PRC1: variants seen among roughly 807,000 people sequenced by gnomAD.
The protein encoded by PRC1 is anaphase spindle elongation 1 homolog.
Under a neutral mutation model 91.2 loss-of-function variants are expected in PRC1, and 54 were observed. The ratio of observed to expected loss-of-function variants is 0.59; its 90% CI spans 0.48 to 0.74. The LOEUF (loss-of-function observed/expected upper bound fraction) is 0.74. Ranked by LOEUF, PRC1 falls within the 30% of genes least tolerant of loss-of-function variation. PRC1 has a pLI of 0.00. For missense variants in PRC1, 727 were observed against 746.2 expected, an observed-to-expected ratio of 0.97 and a Z score of 0.30; for synonymous variants, 275 against 263.6, an observed-to-expected ratio of 1.04 and a Z score of -0.42.
chr15:90,994,176 G>A (rs72630489), intron 1 of PRC1, among the ~76,000 whole-genome samples: 17,499 of 151,954 alleles, frequency 0.12, 1,618 homozygotes, highest in East Asian at 0.47. Context: ...CTGAGCCTGC[G>A]GGCACCTGCG....
intron 1 of PRC1, among the ~76,000 whole-genome samples, chr15:90,986,522 T>C (rs927932243): frequency 6.6e-6 from 1 of 152,096 alleles, no homozygotes; most frequent in Non-Finnish European, 1.5e-5. Flanking sequence ...CTGGGGCGGC[T>C]GAGGCAGGAG....
At chr15:90,976,805 C>A in intron 8 of PRC1, 34 bp from the exon 9 acceptor site, 1 of 1,546,094 alleles carries the variant, frequency 6.5e-7, no homozygotes, top group South Asian at 1.1e-5. Flanking sequence ...AGTGGAAAAC[C>A]TGGCACCATG....
At position 90,984,260 on chromosome 15, in the gene PRC1, G is replaced by A. The variant is rs1268780819; in HGVS notation, c.145-120C>T. ...CTTTTTTTCTTTGAGATGGAGTCTC[G>A]CTCTGTTGCCCAGGCTGGAGTGCAA... is the stretch of plus-strand genomic sequence containing the variant. On this transcript the variant is annotated intron_variant, in intron 2 of 14. Transcript: ENST00000394249. This position sits in a 1 kb window ranked among gnomAD's most constrained non-coding sequence, Gnocchi z 5.1. 52 of 1,350,830 alleles carry A rather than the reference G, an allele frequency of 3.8e-5. No homozygotes were observed. The highest frequency in any genetic ancestry group is 2.0e-4 in the Middle Eastern group (1 of 5,038). 83.7% of individuals were successfully genotyped at this position (1,350,830 alleles called of 1,614,324 possible). A position where few individuals can be genotyped will look rare whatever the true frequency, so the allele number is the denominator to read the frequency against.
In PRC1 at chr15:90,971,530, C is replaced by T. The variant is rs11852999; in HGVS notation, c.1462-1016G>A. 0.11 allele frequency among the ~76,000 whole-genome samples: 16,861 copies of T among 151,794 alleles called. 1,552 individuals carry two copies. Among genetic ancestry groups the T allele is most frequent in the East Asian group, 0.47 (2,415 of 5,148 alleles). On this transcript the variant is annotated intron_variant, in intron 11 of 14. Transcript: ENST00000394249. ...CTCCTGAGTTCAAGCAATCCCCCTACCTTGGCTTCCCGAAGTAGTGGGATT... is the reference window on the plus strand; with the variant it reads ...CTCCTGAGTTCAAGCAATCCCCCTATCTTGGCTTCCCGAAGTAGTGGGATT...
At chr15:90,985,493 A>G (rs567676237) in intron 1 of PRC1, among the ~76,000 whole-genome samples, 1 of 151,438 alleles carries the variant, frequency 6.6e-6, no homozygotes, top group African/African-American at 2.4e-5. Context: ...GGCCTCCCAA[A>G]GTGCTAGGAT....
chr15:90,988,436 C>A (rs1349035818), intron 1 of PRC1: 1 of 152,224 alleles, frequency 6.6e-6, no homozygotes, highest in African/African-American at 2.4e-5. Flanking sequence ...CCCCGCTTAA[C>A]TACTCCCCTT....
At chr15:90,981,710 A>C in intron 4 of PRC1, 38 bp downstream of exon 4, 1 of 1,609,112 alleles carries the variant, frequency 6.2e-7, no homozygotes, top group Non-Finnish European at 8.5e-7. Context: ...GAGGAAAACC[A>C]AAGTGACTTT....
intron 3 of PRC1, 193 bp from the exon 4 acceptor site, chr15:90,982,174 A>C: frequency 1.7e-6 from 1 of 602,178 alleles, no homozygotes; most frequent in Non-Finnish European, 2.9e-6. Context: ...AGTAAGTACC[A>C]GGGTACTTTT....
chr15:90,974,483 C>A lies in PRC1; in HGVS notation c.1350+102G>T. 6.6e-7 allele frequency: 1 copy of A among 1,515,676 alleles called. No homozygotes were observed. The highest frequency in any genetic ancestry group is 9.0e-7 in the Non-Finnish European group (1 of 1,114,218). The allele number at this position is 1,515,676 out of a possible 1,614,324, so 93.9% of individuals were successfully genotyped here. On this transcript the variant is annotated intron_variant, in intron 10 of 14. Transcript: ENST00000394249. The surrounding 1 kb of genome is among the most constrained non-coding windows in gnomAD (Gnocchi z 4.6). Reference sequence around the variant, plus strand: ...GCTTCCCGTTCCACAAGCCCCGGTCCCCGGCTCCCTGTTCCACAAACCCTG... The same window carrying A: ...GCTTCCCGTTCCACAAGCCCCGGTCACCGGCTCCCTGTTCCACAAACCCTG...
At chr15:90,972,185 C>CAAAAAAA (rs79751458) in intron 11 of PRC1, among the ~76,000 whole-genome samples, 5 of 58,608 alleles carry the variant, frequency 8.5e-5, no homozygotes, top group Admixed American at 2.0e-4. Context: ...TACTGAAACT[C>CAAAAAAA]AAAAAAAAAA....
intron 8 of PRC1, 54 bp downstream of exon 8, chr15:90,979,104 T>G (rs1205373908): frequency 1.9e-6 from 3 of 1,564,678 alleles, no homozygotes; most frequent in Non-Finnish European, 2.6e-6. Context: ...CTGGATTGAT[T>G]CCGTACATGG....
intron 11 of PRC1, among the ~76,000 whole-genome samples, chr15:90,971,116 A>G (rs1421559451): frequency 6.6e-6 from 1 of 152,204 alleles, no homozygotes; most frequent in South Asian, 2.1e-4. Flanking sequence ...CTAAATCCCT[A>G]CTCGCCACAG....
At chr15:90,982,475 A>G (rs1385708142) in intron 3 of PRC1, 4 of 160,192 alleles carry the variant, frequency 2.5e-5, no homozygotes, top group African/African-American at 7.2e-5. Context: ...GCAGCCAGGC[A>G]CGGTGGCTCA....
chr15:90,969,238 G>C, intron 13 of PRC1, 118 bp from the exon 14 acceptor site: 1 of 1,265,052 alleles, frequency 7.9e-7, no homozygotes, highest in South Asian at 1.3e-5. Flanking sequence ...AAGGATCCAG[G>C]TTAAATGTCT....
At chr15:90,973,636 T>TA (rs58675790) in intron 11 of PRC1, among the ~76,000 whole-genome samples, 22 of 151,406 alleles carry the variant, frequency 1.5e-4, no homozygotes, top group African/African-American at 5.1e-4. Context: ...GTTCTATTCT[T>TA]AGATAGGAGA....
chr15:90,974,366 C>T lies in PRC1; in HGVS notation c.1351-120G>A, dbSNP rs368907457. 211 of 1,078,812 alleles carry T rather than the reference C, an allele frequency of 2.0e-4. No homozygotes were observed. The East Asian group carries it at 4.4e-3, about 22-fold the overall frequency. 66.8% of individuals were successfully genotyped at this position (1,078,812 alleles called of 1,614,324 possible). A position where few individuals can be genotyped will look rare whatever the true frequency, so the allele number is the denominator to read the frequency against. On this transcript the variant is annotated intron_variant, in intron 10 of 14. Transcript: ENST00000394249. This position sits in a 1 kb window ranked among gnomAD's most constrained non-coding sequence, Gnocchi z 4.6. Reference sequence around the variant, plus strand: ...TCTACAGCCAGAGCTAAAGAGCTGCCGCGGGCTCCCCGTTCCACAAGCCCC... The same window carrying T: ...TCTACAGCCAGAGCTAAAGAGCTGCTGCGGGCTCCCCGTTCCACAAGCCCC...
intron 1 of PRC1, among the ~76,000 whole-genome samples, chr15:90,993,731 A>G (rs1297623016): frequency 6.6e-6 from 1 of 152,226 alleles, no homozygotes; most frequent in African/African-American, 2.4e-5. Context: ...TAACTTGCAA[A>G]GAAACAAAGC....
At chr15:90,968,882 A>G (rs2037787918) in intron 14 of PRC1, 197 bp downstream of exon 14, 1 of 1,393,414 alleles carries the variant, frequency 7.2e-7, no homozygotes, top group Admixed American at 2.9e-5. Flanking sequence ...AATCCAATTC[A>G]AGTCTGAACA....
In PRC1 at chr15:90,972,114, G is replaced by A. The variant is rs1400926981; in HGVS notation, c.1462-1600C>T. Among the ~76,000 whole-genome samples, 4 of 145,584 alleles carry A rather than the reference G, an allele frequency of 2.7e-5. No homozygotes were observed. The East Asian group carries it at 8.5e-4, about 31-fold the overall frequency. On this transcript the variant is annotated intron_variant, in intron 11 of 14. Coordinates refer to ENST00000394249, the MANE Select transcript of PRC1 (RefSeq NM_003981.4). ...CCAGCACTTTGGGAGGCTGAGGCAG[G>A]AGGATCACTTGAGCTCAGGAGTTTG...
Sources: allele counts gnomAD v4.1 joint callset (sites outside exome capture counted in the v4.1 genomes callset), GRCh38; gene constraint gnomAD v4.1.1; non-coding constraint Gnocchi (gnomAD v3.1); transcripts MANE v1.5; gene names NCBI Gene and HGNC (gene_info 2026-07-23, HGNC 2026-07-21).